Variants in POU6F2 observed in about 807,000 individuals in gnomAD.
POU6F2 encodes the protein POU domain, class 6, transcription factor 2.
In POU6F2, 31 loss-of-function variants were observed where a neutral mutation model predicts 71.3. The ratio of observed to expected loss-of-function variants is 0.43; its 90% confidence interval spans 0.33 to 0.59. POU6F2 has a LOEUF of 0.59. Among genes scored for constraint, POU6F2 ranks in the 20% least tolerant of loss-of-function variants. The pLI is 0.04. For missense variants in POU6F2, 783 were observed against 856.8 expected, an observed-to-expected ratio of 0.91 and a Z score of 1.07; for synonymous variants, 347 against 355.7, an observed-to-expected ratio of 0.98 and a Z score of 0.27.
At chr7:39,441,504 C>T (rs1356014214) in intron 7 of POU6F2, among the ~76,000 whole-genome samples, 4 of 151,912 alleles carry the variant, frequency 2.6e-5, no homozygotes, top group South Asian at 2.1e-4. Flanking sequence ...CTAAGAGTCC[C>T]TCTTGGGAAA....
At chr7:39,202,866 C>A (rs916118606) in intron 2 of POU6F2, among the ~76,000 whole-genome samples, 1 of 152,168 alleles carries the variant, frequency 6.6e-6, no homozygotes, top group Non-Finnish European at 1.5e-5. Flanking sequence ...TTAGTTTGTT[C>A]CAAATCAATT....
intron 1 of POU6F2, among the ~76,000 whole-genome samples, chr7:39,058,428 A>T (rs1790580127): frequency 2.0e-5 from 3 of 152,192 alleles, no homozygotes; most frequent in Non-Finnish European, 1.5e-5. Context: ...TCTCCTGCAC[A>T]GTGCAGAGGG....
At chr7:39,390,177 C>T (rs961763318) in intron 5 of POU6F2, among the ~76,000 whole-genome samples, 5 of 152,148 alleles carry the variant, frequency 3.3e-5, no homozygotes, top group Admixed American at 1.3e-4. Flanking sequence ...AGGTGGATCA[C>T]TTGAAGTCAG....
chr7:38,992,673 T>G (rs949499968), intron 1 of POU6F2, among the ~76,000 whole-genome samples: 1 of 151,798 alleles, frequency 6.6e-6, no homozygotes, highest in Non-Finnish European at 1.5e-5. Context: ...TATCATTGTC[T>G]TCAGGGATTT....
chr7:39,002,426 C>T lies in POU6F2; in HGVS notation c.105+24368C>T, dbSNP rs183026239. 1.4e-4 allele frequency among the ~76,000 whole-genome samples: 21 copies of T among 152,342 alleles called. 1 individual carries two copies. The East Asian group carries it at 3.9e-3, about 28-fold the overall frequency. On this transcript the variant is annotated intron_variant, in intron 1 of 9. Coordinates refer to ENST00000518318, the MANE Select transcript of POU6F2 (RefSeq NM_001370959.1). ...GCAGTGGCACAATCTCAGTTCACTG[C>T]AATCTTTGCCTCTAGGGTTCAAGCA...
At chr7:39,204,117 T>C (rs966264928) in intron 2 of POU6F2, 118 bp from the exon 3 acceptor site, 103 of 845,404 alleles carry the variant, frequency 1.2e-4, no homozygotes, top group Non-Finnish European at 1.8e-4. Flanking sequence ...GATAAGTGAT[T>C]TGAGCACTGG....
intron 1 of POU6F2, among the ~76,000 whole-genome samples, chr7:39,056,731 G>A (rs1004825724): frequency 3.3e-5 from 5 of 149,802 alleles, no homozygotes; most frequent in African/African-American, 9.9e-5. Flanking sequence ...GGTTGCCAAT[G>A]CTATGTTCTA....
At chr7:39,108,931 A>G (rs1296296966) in intron 2 of POU6F2, among the ~76,000 whole-genome samples, 1 of 152,230 alleles carries the variant, frequency 6.6e-6, no homozygotes, top group Non-Finnish European at 1.5e-5. Flanking sequence ...GAAAAAGGTT[A>G]AGTATACAAT....
intron 2 of POU6F2, among the ~76,000 whole-genome samples, chr7:39,094,341 C>A (rs1259347595): frequency 6.6e-6 from 1 of 152,032 alleles, no homozygotes; most frequent in Non-Finnish European, 1.5e-5. Flanking sequence ...CTCTTGGGAT[C>A]TAAATATTGG....
intron 4 of POU6F2, among the ~76,000 whole-genome samples, chr7:39,260,307 CCA>C (rs1211900375): frequency 6.7e-6 from 1 of 150,250 alleles, no homozygotes. Flanking sequence ...CATGTTCACA[CCA>C]CACACACAAT....
At chr7:39,011,956 A>G (rs1232997593) in intron 1 of POU6F2, among the ~76,000 whole-genome samples, 2 of 151,544 alleles carry the variant, frequency 1.3e-5, no homozygotes, top group African/African-American at 4.9e-5. Flanking sequence ...TGCCCTTAAC[A>G]TTTTTTCCTT....
chr7:39,087,164 AT>A (rs1791270646), intron 2 of POU6F2, among the ~76,000 whole-genome samples: 3 of 114,338 alleles, frequency 2.6e-5, no homozygotes, highest in African/African-American at 9.5e-5. Context: ...TAATTAATTT[AT>A]TTATTTATTT....
chr7:39,015,696 A>AG (rs1562670391), intron 1 of POU6F2, among the ~76,000 whole-genome samples: 1 of 94,224 alleles, frequency 1.1e-5, no homozygotes, highest in Non-Finnish European at 2.0e-5. Flanking sequence ...ATATCTATAT[A>AG]TTATATATAT....
intron 1 of POU6F2, among the ~76,000 whole-genome samples, chr7:39,002,853 T>G (rs1440914526): frequency 6.6e-6 from 1 of 152,250 alleles, no homozygotes; most frequent in Non-Finnish European, 1.5e-5. Context: ...CTCCCTCTGC[T>G]GCCAAAATGT....
In POU6F2 at chr7:39,319,815, C is replaced by T. The variant is rs532300260; in HGVS notation, c.599-19827C>T. The stretch of plus-strand genomic sequence containing the variant: ...GGTATGAAATGAAGGGGAAAGAGTC[C>T]CTACTCCTTCAGAGAGTGGGACTCA... On this transcript the variant is annotated intron_variant, in intron 4 of 9. Coordinates refer to ENST00000518318, the MANE Select transcript of POU6F2 (RefSeq NM_001370959.1). Among the ~76,000 whole-genome samples, 5 of 152,236 alleles carry T rather than the reference C, an allele frequency of 3.3e-5. No individual in the cohort carries two copies. The South Asian group carries it at 1.0e-3, about 32-fold the overall frequency.
intron 4 of POU6F2, among the ~76,000 whole-genome samples, chr7:39,305,832 A>G (rs1184864301): frequency 1.3e-5 from 2 of 152,230 alleles, no homozygotes; most frequent in South Asian, 2.1e-4. Flanking sequence ...TTGAATTGTC[A>G]TGTATGTGAT....
chr7:39,197,135 C>T (rs1282713805), intron 2 of POU6F2, among the ~76,000 whole-genome samples: 2 of 152,118 alleles, frequency 1.3e-5, no homozygotes, highest in South Asian at 2.1e-4. Context: ...TTAGAGTTTC[C>T]TCACCTCCCC....
chr7:38,990,978 A>G (rs1045056521), intron 1 of POU6F2, among the ~76,000 whole-genome samples: 4 of 151,914 alleles, frequency 2.6e-5, no homozygotes, highest in African/African-American at 9.7e-5. Flanking sequence ...CCCTTCCTTC[A>G]ATATTTCTTG....
chr7:39,162,077 A>G (rs1793009115), intron 2 of POU6F2, among the ~76,000 whole-genome samples: 1 of 152,148 alleles, frequency 6.6e-6, no homozygotes, highest in African/African-American at 2.4e-5. Flanking sequence ...TGGAGTTTCC[A>G]TGGTGACTAG....
Sources: gnomAD v4.1 joint callset for allele counts (sites outside exome capture counted in the v4.1 genomes callset) on GRCh38, gnomAD v4.1.1 for gene constraint, MANE v1.5 for transcripts, NCBI Gene and HGNC (gene_info 2026-07-23, HGNC 2026-07-21) for gene names.